The following PGR variants were observed in gnomAD, a reference collection of about 807,000 sequenced individuals.
PGR encodes the protein nuclear receptor subfamily 3 group C member 3.
PGR carries 25 observed loss-of-function variants against 76.1 expected under a neutral mutation model. The observed-to-expected ratio is 0.33, with a 90% CI of 0.24 to 0.46. The LOEUF (loss-of-function observed/expected upper bound fraction) is 0.46, where lower values mean the gene tolerates loss of function less well. Ranked by LOEUF, PGR falls within the 20% of genes least tolerant of loss-of-function variation. The pLI is 1.00. For missense variants in PGR, 1,172 were observed against 1,225.3 expected (o/e 0.96, Z 0.65); for synonymous variants, 579 against 535.0 (o/e 1.08, Z -1.14).
At chr11:101,046,739 G>T (rs1342993390) in intron 6 of PGR, among the ~76,000 whole-genome samples, 1 of 151,866 alleles carries the variant, frequency 6.6e-6, no homozygotes, top group East Asian at 1.9e-4. Flanking sequence ...TATCCAAACA[G>T]TTTTTTTCCA....
intron 4 of PGR, among the ~76,000 whole-genome samples, chr11:101,058,821 C>CTAAG (rs1565336901): frequency 6.6e-6 from 1 of 152,184 alleles, no homozygotes. Flanking sequence ...ACTTACACCT[C>CTAAG]TAAGTTTACT....
At chr11:101,079,024 A>G (rs944853242) in intron 3 of PGR, among the ~76,000 whole-genome samples, 58 of 152,324 alleles carry the variant, frequency 3.8e-4, no homozygotes, top group African/African-American at 1.3e-3. Context: ...ATGGATATAC[A>G]TTGGGGAAAG....
chr11:101,089,290 G>A lies in PGR; in HGVS notation c.1906+2470C>T, dbSNP rs1263271266. Among the ~76,000 whole-genome samples the A allele has an allele frequency of 2.6e-5, 4 of 152,240 alleles. No homozygotes were observed. The South Asian group carries it at 6.2e-4, about 24-fold the overall frequency. ...ATGGTATACAAGCAGTTTTTAGGTGGTACATCGAATATATATTTAAATAGT... is the reference window on the plus strand; with the variant it reads ...ATGGTATACAAGCAGTTTTTAGGTGATACATCGAATATATATTTAAATAGT... On this transcript the variant is annotated intron_variant, in intron 3 of 7. Transcript: ENST00000325455.
At chr11:101,101,188 CA>C (rs1861987370) in intron 2 of PGR, among the ~76,000 whole-genome samples, 2 of 151,864 alleles carry the variant, frequency 1.3e-5, no homozygotes, top group African/African-American at 4.8e-5. Context: ...TCACACCAAC[CA>C]AAATTAAAAC....
rs1371440669 is a variant in PGR at position 101,051,634 on chromosome 11, A to G, written c.2213-66T>C. The G allele has an allele frequency of 4.2e-6, 5 of 1,202,632 alleles. No homozygotes were observed. In the Admixed American group the frequency reaches 6.8e-5, roughly 16 times the overall value. 74.5% of individuals were successfully genotyped at this position (1,202,632 alleles called of 1,614,324 possible). On this transcript the variant is annotated intron_variant, in intron 4 of 7. Coordinates refer to ENST00000325455, the MANE Select transcript of PGR (RefSeq NM_000926.4). ...CTGAATTATCTCAAAAATGTTGAAA[A>G]TACATATAAATCTGAAAATAGGTAT... is the stretch of plus-strand genomic sequence containing the variant.
chr11:101,037,552 A>G lies in PGR; in HGVS notation c.*1564T>C. 4.4e-6 allele frequency: 1 copy of G among 228,356 alleles called. No individual in the cohort carries two copies. 14.1% of individuals were successfully genotyped at this position (228,356 alleles called of 1,614,324 possible). On this transcript the variant is annotated 3_prime_UTR_variant, in exon 8 of 8. Transcript: ENST00000325455. ...TGGAATTTTGCTTAGGGAGAGAAATAATATTCCATTCATTCAGTTTAAAAA... is the reference window on the plus strand; with the variant it reads ...TGGAATTTTGCTTAGGGAGAGAAATGATATTCCATTCATTCAGTTTAAAAA...
intron 3 of PGR, 123 bp from the exon 4 acceptor site, chr11:101,062,875 T>C (rs531862126): frequency 5.9e-6 from 4 of 673,530 alleles, no homozygotes; most frequent in African/African-American, 1.8e-5. Context: ...TCGAATGAAA[T>C]AGAATAAAAG....
In PGR at chr11:101,127,414, G is replaced by T; in HGVS notation, c.1637+20C>A. 6.6e-7 allele frequency: 1 copy of T among 1,519,584 alleles called. No individual in the cohort carries two copies. Among genetic ancestry groups the T allele is most frequent in the Non-Finnish European group, 8.8e-7 (1 of 1,131,264 alleles). The allele number at this position is 1,519,584 out of a possible 1,614,324, so 94.1% of individuals were successfully genotyped here. On this transcript the variant is annotated intron_variant, in intron 1 of 7. Transcript: ENST00000325455. ...CGCTACTCCCGGACGCGCTGGGCGT[G>T]CCCCGTCCCGGGCCCTCACCTCAGG... is the stretch of plus-strand genomic sequence containing the variant.
chr11:101,061,082 A>T (rs1462107070), intron 4 of PGR, among the ~76,000 whole-genome samples: 5 of 152,206 alleles, frequency 3.3e-5, no homozygotes, highest in Admixed American at 2.0e-4. Flanking sequence ...CAAAGAAATC[A>T]TATTTTCCAA....
intron 2 of PGR, among the ~76,000 whole-genome samples, chr11:101,102,327 T>C (rs867159791): frequency 5.3e-5 from 8 of 152,332 alleles, no homozygotes; most frequent in Middle Eastern, 3.4e-3. Context: ...GTTCTTGTCC[T>C]TAGGACATGA....
At chr11:101,056,390 A>C (rs941531892) in intron 4 of PGR, among the ~76,000 whole-genome samples, 1 of 152,096 alleles carries the variant, frequency 6.6e-6, no homozygotes, top group Non-Finnish European at 1.5e-5. Flanking sequence ...CCGTAGTCCC[A>C]GTGCTTTGGG....
chr11:101,085,817 C>T (rs1861480677), intron 3 of PGR, among the ~76,000 whole-genome samples: 1 of 152,040 alleles, frequency 6.6e-6, no homozygotes, highest in African/African-American at 2.4e-5. Flanking sequence ...CTATTGTGAA[C>T]ACCTCTACAC....
chr11:101,076,128 A>G (rs968024396), intron 3 of PGR, among the ~76,000 whole-genome samples: 5 of 152,100 alleles, frequency 3.3e-5, no homozygotes, highest in African/African-American at 1.2e-4. Flanking sequence ...CCATGCAATA[A>G]CATTGAGCTA....
intron 6 of PGR, among the ~76,000 whole-genome samples, chr11:101,043,781 G>T (rs1001609313): frequency 1.3e-5 from 2 of 152,160 alleles, no homozygotes; most frequent in African/African-American, 4.8e-5. Flanking sequence ...TTGTCAATGA[G>T]CAATAATATT....
chr11:101,070,835 C>T (rs1055185343), intron 3 of PGR, among the ~76,000 whole-genome samples: 2 of 152,186 alleles, frequency 1.3e-5, no homozygotes, highest in Non-Finnish European at 2.9e-5. Context: ...GGGGCTTATA[C>T]ATAAAACTCC....
chr11:101,127,353 G>GGGCTGA, intron 1 of PGR, 81 bp downstream of exon 1: 1 of 1,109,292 alleles, frequency 9.0e-7, no homozygotes, highest in South Asian at 1.7e-5. Context: ...GCTGGGGCTG[G>GGGCTGA]GGCTGAGGGT....
chr11:101,107,865 T>TAAAAAAAAAAAAAAAAAAAAAAAAAA lies in PGR; in HGVS notation c.1790-15990_1790-15989insTTTTTTTTTTTTTTTTTTTTTTTTTT, dbSNP rs56355097. Among the ~76,000 whole-genome samples, 5 of 119,290 alleles carry TAAAAAAAAAAAAAAAAAAAAAAAAAA rather than the reference T, an allele frequency of 4.2e-5. 1 individual carries two copies. The highest frequency in any genetic ancestry group is 1.6e-4 in the African/African-American group (5 of 30,306). The allele number at this position is 119,290 out of a possible 152,430, so 78.3% of individuals were successfully genotyped here. On this transcript the variant is annotated intron_variant, in intron 2 of 7. Transcript: ENST00000325455. ...CCAGTCTTACTTGAAACTGGCTTTGTAAAAAAAAAAAAAAAGAAAGAAAAA... is the reference window on the plus strand; with the variant it reads ...CCAGTCTTACTTGAAACTGGCTTTGTAAAAAAAAAAAAAAAAAAAAAAAAAAAAAAAAAAAAAAAAAGAAAGAAAAA...
chr11:101,054,161 C>A (rs1462996821), intron 4 of PGR, among the ~76,000 whole-genome samples: 2 of 152,058 alleles, frequency 1.3e-5, no homozygotes, highest in East Asian at 3.9e-4. Context: ...ATTCAGTGAA[C>A]CCCTGTTGTC....
At chr11:101,091,567 G>A (rs888361638) in intron 3 of PGR, among the ~76,000 whole-genome samples, 193 bp downstream of exon 3, 1 of 152,170 alleles carries the variant, frequency 6.6e-6, no homozygotes, top group Non-Finnish European at 1.5e-5. Context: ...AGACCTCAAT[G>A]TGCTAGAAAA....
Sources: allele counts gnomAD v4.1 joint callset (sites outside exome capture counted in the v4.1 genomes callset), GRCh38; gene constraint gnomAD v4.1.1; transcripts MANE v1.5; gene names NCBI Gene and HGNC (gene_info 2026-07-23, HGNC 2026-07-21).